UNC5B: variants seen among roughly 807,000 people sequenced by gnomAD.
UNC5B encodes the protein netrin receptor UNC5B.
UNC5B carries 56 observed loss-of-function variants against 103.7 expected under a neutral mutation model. The ratio of observed to expected loss-of-function variants is 0.54; its 90% CI spans 0.44 to 0.67. UNC5B has a LOEUF of 0.67. UNC5B is among the 30% of genes least tolerant of loss of function. UNC5B has a pLI of 0.00. For missense variants in UNC5B, 1,194 were observed against 1,284.5 expected, an observed-to-expected ratio of 0.93 and a Z score of 1.08; for synonymous variants, 577 against 542.0, an observed-to-expected ratio of 1.06 and a Z score of -0.90.
rs149176375 is a variant in UNC5B at position 71,219,242 on chromosome 10, G to A, written c.79+6178G>A. Among the ~76,000 whole-genome samples, 545 of 152,026 alleles carry A rather than the reference G, an allele frequency of 3.6e-3. 6 individuals carry two copies. Among genetic ancestry groups the A allele is most frequent in the African/African-American group, 0.012 (511 of 41,466 alleles). On this transcript the variant is annotated intron_variant, in intron 1 of 16. Transcript: ENST00000335350. ...GCTGAAGAGACAGGACTGGGACCCAGGTTTGTATTAGTCAGGGTTCTCTAG... is the reference window on the plus strand; with the variant it reads ...GCTGAAGAGACAGGACTGGGACCCAAGTTTGTATTAGTCAGGGTTCTCTAG...
rs373122151 is a variant in UNC5B, at chr10:71,251,844, A to G, written c.80-27977A>G. 3.3e-5 allele frequency among the ~76,000 whole-genome samples: 5 copies of G among 152,326 alleles called. No homozygotes were observed. The South Asian group carries it at 1.0e-3, about 32-fold the overall frequency. On this transcript the variant is annotated intron_variant, in intron 1 of 16. Transcript: ENST00000335350. ...ATTTTTCTTTAAGTTGTTTTCCCCC[A>G]GGAAAAAAACCCACAGGCTGGAGAT...
chr10:71,296,550 G>T, intron 14 of UNC5B, 28 bp from the exon 15 acceptor site: 3 of 1,611,260 alleles, frequency 1.9e-6, no homozygotes, highest in African/African-American at 2.7e-5. Flanking sequence ...GGCCTTGCCT[G>T]CCTGGTCCTG....
At chr10:71,256,728 G>A (rs1010193139) in intron 1 of UNC5B, among the ~76,000 whole-genome samples, 3 of 152,254 alleles carry the variant, frequency 2.0e-5, no homozygotes, top group African/African-American at 7.2e-5. Flanking sequence ...ACACCTGCCC[G>A]TGCATTTGGT....
chr10:71,259,018 G>A (rs182974868), intron 1 of UNC5B, among the ~76,000 whole-genome samples: 2 of 152,370 alleles, frequency 1.3e-5, no homozygotes, highest in East Asian at 1.9e-4. Flanking sequence ...GGGTCCCATC[G>A]GGTGAACTGG....
At position 71,213,708 on chromosome 10, in the gene UNC5B, T is replaced by TATC. The variant is rs1038851072; in HGVS notation, c.79+645_79+646insTCA. Reference sequence around the variant, plus strand: ...TTATTATTATTATTATTATTATTATTAATTTTCTGAGTGTTGGAGAGTGTG... The same window carrying TATC: ...TTATTATTATTATTATTATTATTATTATCAATTTTCTGAGTGTTGGAGAGTGTG... On this transcript the variant is annotated intron_variant, in intron 1 of 16. Transcript: ENST00000335350. This position sits in a 1 kb window ranked among gnomAD's most constrained non-coding sequence, Gnocchi z 4.1. Among the ~76,000 whole-genome samples the TATC allele has an allele frequency of 1.4e-5, 2 of 140,798 alleles. No individual in the cohort carries two copies. The highest frequency in any genetic ancestry group is 5.5e-5 in the African/African-American group (2 of 36,388). 92.4% of individuals were successfully genotyped at this position (140,798 alleles called of 152,430 possible).
intron 1 of UNC5B, among the ~76,000 whole-genome samples, chr10:71,270,591 G>A (rs1844625608): frequency 6.6e-6 from 1 of 152,166 alleles, no homozygotes; most frequent in Non-Finnish European, 1.5e-5. Flanking sequence ...GAAGGGTCCA[G>A]GCGGGAAGAC....
At chr10:71,221,059 G>A (rs927522430) in intron 1 of UNC5B, among the ~76,000 whole-genome samples, 1 of 152,200 alleles carries the variant, frequency 6.6e-6, no homozygotes, top group African/African-American at 2.4e-5. Flanking sequence ...AGAGGTAGCC[G>A]AGGTCCAGAA....
chr10:71,242,150 A>G (rs1041447204), intron 1 of UNC5B, among the ~76,000 whole-genome samples: 1 of 152,140 alleles, frequency 6.6e-6, no homozygotes, highest in Non-Finnish European at 1.5e-5. Flanking sequence ...GCATTCCCTC[A>G]CAGTCTGTCT....
chr10:71,220,584 G>A (rs1322154272), intron 1 of UNC5B, among the ~76,000 whole-genome samples: 1 of 152,184 alleles, frequency 6.6e-6, no homozygotes, highest in Non-Finnish European at 1.5e-5. Flanking sequence ...TGGTGACGTT[G>A]GGCAGCTCAC....
intron 1 of UNC5B, among the ~76,000 whole-genome samples, chr10:71,248,554 A>G (rs1420526791): frequency 6.6e-6 from 1 of 152,156 alleles, no homozygotes; most frequent in Non-Finnish European, 1.5e-5. Context: ...ATTATCCTTT[A>G]ATTTACATTA....
chr10:71,258,765 A>G (rs945322192), intron 1 of UNC5B, among the ~76,000 whole-genome samples: 27 of 152,208 alleles, frequency 1.8e-4, no homozygotes, highest in African/African-American at 6.3e-4. Flanking sequence ...AGAGTCACCA[A>G]GGTCCCCACC....
chr10:71,224,568 C>T (rs1031427098), intron 1 of UNC5B, among the ~76,000 whole-genome samples: 1 of 152,166 alleles, frequency 6.6e-6, no homozygotes, highest in Non-Finnish European at 1.5e-5. Context: ...CTCTGAGCTT[C>T]CTCTGTCCAA....
intron 7 of UNC5B, 107 bp downstream of exon 7, chr10:71,288,839 C>T: frequency 6.4e-7 from 1 of 1,555,824 alleles, no homozygotes. Context: ...GCACGGCAGT[C>T]CTCAGGGCCT....
intron 1 of UNC5B, among the ~76,000 whole-genome samples, chr10:71,270,552 A>G (rs1265030637): frequency 6.6e-6 from 1 of 152,182 alleles, no homozygotes; most frequent in African/African-American, 2.4e-5. Flanking sequence ...TTTTAGGGGC[A>G]AAAGGAAAGG....
At chr10:71,269,572 C>G (rs1844598858) in intron 1 of UNC5B, among the ~76,000 whole-genome samples, 1 of 152,044 alleles carries the variant, frequency 6.6e-6, no homozygotes. Flanking sequence ...CCTACCCGCT[C>G]CTGCTGCCCA....
intron 1 of UNC5B, among the ~76,000 whole-genome samples, chr10:71,279,095 C>T (rs1027458914): frequency 1.3e-5 from 2 of 152,322 alleles, no homozygotes; most frequent in East Asian, 1.9e-4. Flanking sequence ...TCTGAAGTCT[C>T]CTCATCTGCT....
chr10:71,297,031 T>C (rs1456151187), intron 15 of UNC5B, among the ~76,000 whole-genome samples: 2 of 134,890 alleles, frequency 1.5e-5, no homozygotes, highest in South Asian at 2.2e-4. Context: ...TGCACAGCAC[T>C]GTGGCATAGG....
At chr10:71,257,197 C>T (rs1053291098) in intron 1 of UNC5B, among the ~76,000 whole-genome samples, 4 of 152,156 alleles carry the variant, frequency 2.6e-5, no homozygotes, top group Admixed American at 2.0e-4. Flanking sequence ...TGAGCACCCC[C>T]GGATCCCACC....
Position 71,225,963 on chromosome 10 carries a change from C to T in UNC5B, c.79+12899C>T, listed in dbSNP as rs569441337. On this transcript the variant is annotated intron_variant, in intron 1 of 16. Transcript: ENST00000335350. ...GCCTGTGGTGGGTTGAGGAGGACCA[C>T]TCAAGCTTCTAGGACAAATAGAGTC... Among the ~76,000 whole-genome samples, 4 of 152,356 alleles carry T rather than the reference C, an allele frequency of 2.6e-5. No individual in the cohort carries two copies. The East Asian group carries it at 5.8e-4, about 22-fold the overall frequency.
Sources: gnomAD v4.1 joint callset for allele counts (sites outside exome capture counted in the v4.1 genomes callset) on GRCh38, gnomAD v4.1.1 for gene constraint, Gnocchi (gnomAD v3.1) non-coding constraint, MANE v1.5 for transcripts, NCBI Gene and HGNC (gene_info 2026-07-23, HGNC 2026-07-21) for gene names.